GRIK4: variants seen among roughly 807,000 people sequenced by gnomAD.
GRIK4 encodes glutamate ionotropic receptor kainate type subunit 4.
In GRIK4, 40 loss-of-function variants were observed where a neutral mutation model predicts 104.9. The ratio of observed to expected loss-of-function variants is 0.38; its 90% confidence interval spans 0.30 to 0.50. The LOEUF (loss-of-function observed/expected upper bound fraction) is 0.50, where lower values mean the gene tolerates loss of function less well. Among genes scored for constraint, GRIK4 ranks in the 20% least tolerant of loss-of-function variants. The pLI is 0.93. For synonymous variants in GRIK4, 485 were observed against 524.9 expected, an observed-to-expected ratio of 0.92 and a Z score of 1.04; for missense variants, 1,047 against 1,308.1, an observed-to-expected ratio of 0.80 and a Z score of 3.08.
At position 120,686,012 on chromosome 11, in the gene GRIK4, A is replaced by T. The variant is rs1244334588; in HGVS notation, c.82+25612A>T. Among the ~76,000 whole-genome samples the T allele has an allele frequency of 3.3e-5, 5 of 152,064 alleles. No homozygotes were observed. In the South Asian group the frequency reaches 8.3e-4, roughly 25 times the overall value. The stretch of plus-strand genomic sequence containing the variant: ...TTAGGCTGTAGATTTCAGCTGAGGG[A>T]TGTTGGGTAAATTAATTTACTTTTG... On this transcript the variant is annotated intron_variant, in intron 3 of 20. Transcript: ENST00000527524.
At chr11:120,633,632 C>CT (rs1381006559) in intron 1 of GRIK4, among the ~76,000 whole-genome samples, 1 of 152,040 alleles carries the variant, frequency 6.6e-6, no homozygotes, top group East Asian at 1.9e-4. Context: ...ACTGAGTTGG[C>CT]TTTTTTAAGT....
chr11:120,955,399 T>G (rs779337383), intron 15 of GRIK4, among the ~76,000 whole-genome samples: 1 of 152,220 alleles, frequency 6.6e-6, no homozygotes, highest in African/African-American at 2.4e-5. Context: ...GAACACTAAG[T>G]GCACATCAGG....
At chr11:120,597,490 C>G (rs1476702082) in intron 1 of GRIK4, among the ~76,000 whole-genome samples, 1 of 152,200 alleles carries the variant, frequency 6.6e-6, no homozygotes, top group Non-Finnish European at 1.5e-5. Flanking sequence ...CCCGGGCGCC[C>G]CCAGCTGAGC....
chr11:120,962,207 C>T (rs1944299325), intron 17 of GRIK4, among the ~76,000 whole-genome samples: 1 of 152,108 alleles, frequency 6.6e-6, no homozygotes, highest in South Asian at 2.1e-4. Context: ...CAAATCAGGA[C>T]CTTAGTGCGC....
intron 3 of GRIK4, among the ~76,000 whole-genome samples, chr11:120,664,415 T>A (rs548111476): frequency 6.6e-6 from 1 of 152,374 alleles, no homozygotes; most frequent in African/African-American, 2.4e-5. Flanking sequence ...GATGCAGTGC[T>A]ACCAATAATA....
intron 3 of GRIK4, among the ~76,000 whole-genome samples, chr11:120,672,669 G>A (rs1295084265): frequency 6.6e-6 from 1 of 152,122 alleles, no homozygotes; most frequent in Admixed American, 6.5e-5. Flanking sequence ...GTATTCCTAG[G>A]TATTTTATTC....
At chr11:120,893,206 A>C (rs578023571) in intron 11 of GRIK4, among the ~76,000 whole-genome samples, 13 of 152,378 alleles carry the variant, frequency 8.5e-5, no homozygotes, top group African/African-American at 2.6e-4. Flanking sequence ...ATAAATAATT[A>C]AACTCTCCCA....
At chr11:120,609,634 C>T (rs1949008521) in intron 1 of GRIK4, among the ~76,000 whole-genome samples, 1 of 149,830 alleles carries the variant, frequency 6.7e-6, no homozygotes, top group South Asian at 2.1e-4. Flanking sequence ...CCTGCCTCAG[C>T]CTCCTGAGTA....
intron 13 of GRIK4, among the ~76,000 whole-genome samples, chr11:120,911,843 C>CAAAAAA (rs200523419): frequency 2.4e-5 from 3 of 125,800 alleles, no homozygotes; most frequent in African/African-American, 3.0e-5. Flanking sequence ...GACTCCATCT[C>CAAAAAA]AAAAAAAAAA....
chr11:120,770,905 C>T (rs1021296054), intron 3 of GRIK4, among the ~76,000 whole-genome samples: 1 of 152,194 alleles, frequency 6.6e-6, no homozygotes, highest in African/African-American at 2.4e-5. Flanking sequence ...CTGCATCTGC[C>T]AGCACTCCAT....
At chr11:120,820,081 CCGTG>C (rs982281038) in intron 6 of GRIK4, among the ~76,000 whole-genome samples, 161 bp downstream of exon 6, 2 of 120,344 alleles carry the variant, frequency 1.7e-5, no homozygotes. Flanking sequence ...GCTCATGTGT[CCGTG>C]TGTGTGTGTG....
chr11:120,532,474 A>G (rs1947933603), intron 1 of GRIK4, among the ~76,000 whole-genome samples: 1 of 152,188 alleles, frequency 6.6e-6, no homozygotes, highest in Non-Finnish European at 1.5e-5. Flanking sequence ...GTAAATTAAT[A>G]ATATTGTAAC....
intron 1 of GRIK4, among the ~76,000 whole-genome samples, chr11:120,569,663 A>T (rs768682071): frequency 2.0e-5 from 3 of 152,076 alleles, no homozygotes; most frequent in Non-Finnish European, 4.4e-5. Flanking sequence ...CTTTGGGGAG[A>T]AGGGTAGGGT....
At chr11:120,885,170 C>T (rs1955081969) in intron 11 of GRIK4, among the ~76,000 whole-genome samples, 1 of 152,236 alleles carries the variant, frequency 6.6e-6, no homozygotes, top group Non-Finnish European at 1.5e-5. Context: ...ATTCTTTCCT[C>T]GGCAGCTAAT....
intron 8 of GRIK4, chr11:120,859,370 G>T (rs1046569587): frequency 2.6e-5 from 4 of 152,166 alleles, no homozygotes; most frequent in African/African-American, 9.7e-5. Context: ...CTTGCCGAAA[G>T]TCAAACAGCC....
chr11:120,783,327 G>GC (rs773384590), intron 3 of GRIK4, among the ~76,000 whole-genome samples: 17 of 151,932 alleles, frequency 1.1e-4, no homozygotes, highest in Non-Finnish European at 2.1e-4. Context: ...TCTATTTTCT[G>GC]CTTGGCGCTG....
At chr11:120,836,701 A>G in intron 7 of GRIK4, 90 bp from the exon 8 acceptor site, 1 of 826,716 alleles carries the variant, frequency 1.2e-6, no homozygotes, top group Non-Finnish European at 2.1e-6. Flanking sequence ...AGTGGGCCAG[A>G]CAAATGGTAG....
chr11:120,618,337 A>G (rs1274174291), intron 1 of GRIK4, among the ~76,000 whole-genome samples: 2 of 152,220 alleles, frequency 1.3e-5, no homozygotes, highest in African/African-American at 2.4e-5. Context: ...GCTCATATGT[A>G]TGGGCAAATA....
In GRIK4 at chr11:120,857,950, C is replaced by T. The variant is rs1023453020; in HGVS notation, c.745-4009C>T. Among the ~76,000 whole-genome samples the T allele has an allele frequency of 2.0e-5, 3 of 152,218 alleles. No homozygotes were observed. In the South Asian group the frequency reaches 6.2e-4, roughly 32 times the overall value. On this transcript the variant is annotated intron_variant, in intron 8 of 20. Coordinates refer to ENST00000527524, the MANE Select transcript of GRIK4 (RefSeq NM_014619.5). ...CACTTGGAGTAGTGGAAGACCTGGT[C>T]CTGGTCTCTGCCCCACCACTTGGCT...
Sources: allele counts gnomAD v4.1 joint callset (sites outside exome capture counted in the v4.1 genomes callset), GRCh38; gene constraint gnomAD v4.1.1; transcripts MANE v1.5; gene names NCBI Gene and HGNC (gene_info 2026-07-23, HGNC 2026-07-21).